The following SUFU variants were observed in gnomAD, a reference collection of about 807,000 sequenced individuals.
The protein encoded by SUFU is SUFU negative regulator of hedgehog signaling, also known as suppressor of fused homolog.
SUFU carries 7 observed loss-of-function variants against 58.9 expected under a neutral mutation model. The ratio of observed to expected loss-of-function variants is 0.12; its 90% CI spans 0.07 to 0.22. The LOEUF (loss-of-function observed/expected upper bound fraction) is 0.22, where lower values mean the gene tolerates loss of function less well. Ranked by LOEUF, SUFU falls within the 10% of genes least tolerant of loss-of-function variation. The pLI is 1.00. For synonymous variants in SUFU, 232 were observed against 254.8 expected (o/e 0.91, Z 0.85); for missense variants, 451 against 641.3 (o/e 0.70, Z 3.20).
At chr10:102,614,746 G>T (rs940852083) in intron 8 of SUFU, among the ~76,000 whole-genome samples, 1 of 151,492 alleles carries the variant, frequency 6.6e-6, no homozygotes, top group African/African-American at 2.4e-5. Context: ...TGTAGTGGTG[G>T]ATGCCTGTGA....
At chr10:102,537,604 C>T (rs1014096645) in intron 2 of SUFU, among the ~76,000 whole-genome samples, 2 of 152,168 alleles carry the variant, frequency 1.3e-5, no homozygotes, top group Non-Finnish European at 2.9e-5. Flanking sequence ...TTATTTCTGT[C>T]TCTATGAATG....
chr10:102,555,087 T>G (rs1224477986), intron 3 of SUFU, among the ~76,000 whole-genome samples: 3 of 151,918 alleles, frequency 2.0e-5, no homozygotes, highest in African/African-American at 7.3e-5. Flanking sequence ...GCTAACACAG[T>G]GAAACCCCGT....
chr10:102,624,803 TA>T (rs2063771692), intron 10 of SUFU, among the ~76,000 whole-genome samples: 1 of 152,226 alleles, frequency 6.6e-6, no homozygotes, highest in Non-Finnish European at 1.5e-5. Flanking sequence ...CCTTGAAGAA[TA>T]ACTCTGGCGT....
chr10:102,622,728 A>G (rs2063750594), intron 10 of SUFU, among the ~76,000 whole-genome samples: 1 of 151,984 alleles, frequency 6.6e-6, no homozygotes, highest in Middle Eastern at 3.4e-3. Flanking sequence ...CTGAGGCAGG[A>G]GAATGGCATG....
chr10:102,605,692 AG>A (rs2063556802), intron 8 of SUFU, among the ~76,000 whole-genome samples: 2 of 151,538 alleles, frequency 1.3e-5, no homozygotes, highest in Admixed American at 1.3e-4. Flanking sequence ...ACCCTTTTCC[AG>A]TTCTGCCTTA....
chr10:102,610,138 A>T (rs1025069255), intron 8 of SUFU, among the ~76,000 whole-genome samples: 1 of 152,072 alleles, frequency 6.6e-6, no homozygotes, highest in Non-Finnish European at 1.5e-5. Flanking sequence ...GCACTTTGGG[A>T]GGCTGAGGCG....
At chr10:102,622,692 G>A (rs1223467395) in intron 10 of SUFU, among the ~76,000 whole-genome samples, 6 of 151,814 alleles carry the variant, frequency 4.0e-5, no homozygotes. Context: ...AGTGGCTCAC[G>A]CCTGTAATCC....
At chr10:102,611,646 A>G (rs917448352) in intron 8 of SUFU, among the ~76,000 whole-genome samples, 1 of 152,254 alleles carries the variant, frequency 6.6e-6, no homozygotes, top group African/African-American at 2.4e-5. Context: ...TAACGTCAAC[A>G]CATTAATGCA....
Position 102,629,960 on chromosome 10 carries a change from GTCCTA to G in SUFU, c.1366-102_1366-98del. The G allele has an allele frequency of 9.3e-7, 1 of 1,079,100 alleles. No homozygotes were observed. The allele number at this position is 1,079,100 out of a possible 1,614,324, so 66.8% of individuals were successfully genotyped here. A position where few individuals can be genotyped will look rare whatever the true frequency, so the allele number is the denominator to read the frequency against. On this transcript the variant is annotated intron_variant, in intron 11 of 11. Coordinates refer to ENST00000369902, the MANE Select transcript of SUFU (RefSeq NM_016169.4). The surrounding 1 kb of genome is among the most constrained non-coding windows in gnomAD (Gnocchi z 4.7). ...AATGAAGCCACGCCTCCCGCGGCCT[GTCCTA>G]TCCCTAGCTCCCCGGGGACAGGCCT...
intron 3 of SUFU, among the ~76,000 whole-genome samples, chr10:102,559,354 C>A (rs747606052): frequency 6.8e-5 from 9 of 132,404 alleles, no homozygotes; most frequent in Non-Finnish European, 1.3e-4. Flanking sequence ...GAATGCCCAT[C>A]GTGTGGGCAA....
intron 3 of SUFU, among the ~76,000 whole-genome samples, chr10:102,567,925 A>C (rs1217762238): frequency 6.6e-6 from 1 of 152,114 alleles, no homozygotes; most frequent in Admixed American, 6.5e-5. Context: ...ACAGGACACT[A>C]TCAACCTCCT....
At chr10:102,504,397 C>T in intron 1 of SUFU, 63 bp downstream of exon 1, 3 of 1,597,318 alleles carry the variant, frequency 1.9e-6, no homozygotes, top group Non-Finnish European at 2.6e-6. Flanking sequence ...GCGCCGAGGG[C>T]GAAGTAATTT....
intron 8 of SUFU, among the ~76,000 whole-genome samples, chr10:102,613,099 G>C (rs1387711866): frequency 6.6e-6 from 1 of 152,176 alleles, no homozygotes; most frequent in Non-Finnish European, 1.5e-5. Flanking sequence ...GAGTTGGTCG[G>C]AAGTCTGAGG....
At chr10:102,531,497 T>G (rs1186495808) in intron 2 of SUFU, among the ~76,000 whole-genome samples, 1 of 152,092 alleles carries the variant, frequency 6.6e-6, no homozygotes, top group Admixed American at 6.6e-5. Flanking sequence ...TTCGGCTGCT[T>G]TCACTGAGCA....
At chr10:102,579,904 G>C (rs982139159) in intron 3 of SUFU, 1 of 976,262 alleles carries the variant, frequency 1.0e-6, no homozygotes, top group Non-Finnish European at 1.2e-6. Flanking sequence ...ACATGACCAA[G>C]TTGGGAAACT....
At chr10:102,526,899 C>T (rs920108359) in intron 2 of SUFU, among the ~76,000 whole-genome samples, 3 of 151,248 alleles carry the variant, frequency 2.0e-5, no homozygotes, top group African/African-American at 4.9e-5. Flanking sequence ...GCATCTGAGG[C>T]TTGGTAAGAG....
chr10:102,503,893 T>C (rs1291261883), upstream of SUFU: 4 of 455,906 alleles, frequency 8.8e-6, no homozygotes, highest in Middle Eastern at 5.6e-4. Flanking sequence ...GGCACAGACA[T>C]TAGCCAATGG....
At position 102,504,100 on chromosome 10, in the gene SUFU, C is replaced by A. The variant is rs1485216756; in HGVS notation, c.-53C>A. On this transcript the variant is annotated 5_prime_UTR_variant, in exon 1 of 12. Transcript: ENST00000369902. The stretch of plus-strand genomic sequence containing the variant: ...GTCCGCCCGCTGGCCCGTCAGTGCT[C>A]TCCCCGTCGTTTGCCCTCTCCAGTT... 6.6e-7 allele frequency: 1 copy of A among 1,512,962 alleles called. No individual in the cohort carries two copies. Among genetic ancestry groups the A allele is most frequent in the South Asian group, 1.2e-5 (1 of 80,526 alleles). The allele number at this position is 1,512,962 out of a possible 1,614,324, so 93.7% of individuals were successfully genotyped here.
intron 2 of SUFU, among the ~76,000 whole-genome samples, chr10:102,526,216 A>T (rs1177676163): frequency 6.6e-6 from 1 of 152,158 alleles, no homozygotes. Flanking sequence ...ACTGCACGCC[A>T]GCCTGGGCAA....
Sources: gnomAD v4.1 joint callset for allele counts (sites outside exome capture counted in the v4.1 genomes callset) on GRCh38, gnomAD v4.1.1 for gene constraint, Gnocchi (gnomAD v3.1) non-coding constraint, MANE v1.5 for transcripts, NCBI Gene and HGNC (gene_info 2026-07-23, HGNC 2026-07-21) for gene names.